The following SGSM1 variants were observed in gnomAD, a reference collection of about 807,000 sequenced individuals.
SGSM1 encodes small G protein signaling modulator 1, also known as RUN and TBC1 domain containing 2.
Under a neutral mutation model 133.8 loss-of-function variants are expected in SGSM1, and 73 were observed. The observed-to-expected ratio is 0.55, with a 90% CI of 0.45 to 0.66. The LOEUF is 0.66. Ranked by LOEUF, SGSM1 falls within the 30% of genes least tolerant of loss-of-function variation. The pLI is 0.00. For missense variants in SGSM1, 1,213 were observed against 1,448.1 expected, an observed-to-expected ratio of 0.84 and a Z score of 2.64; for synonymous variants, 563 against 573.0, an observed-to-expected ratio of 0.98 and a Z score of 0.25.
chr22:24,868,677 G>A, intron 11 of SGSM1, 46 bp from the exon 12 acceptor site: 3 of 1,611,202 alleles, frequency 1.9e-6, no homozygotes, highest in Non-Finnish European at 2.5e-6. Flanking sequence ...CAAGTTGTGG[G>A]GACAGATGTG....
chr22:24,822,441 C>G (rs1928540144), intron 2 of SGSM1, among the ~76,000 whole-genome samples: 1 of 152,188 alleles, frequency 6.6e-6, no homozygotes, highest in Non-Finnish European at 1.5e-5. Context: ...CTTTTCACAT[C>G]TCCATAGTTT....
rs1934228743 is a variant in SGSM1, at chr22:24,926,987, G to C, written c.*2713G>C. The C allele has an allele frequency of 6.6e-6, 1 of 152,024 alleles. No individual in the cohort carries two copies. Among genetic ancestry groups the C allele is most frequent in the Non-Finnish European group, 1.5e-5 (1 of 68,014 alleles). 9.4% of individuals were successfully genotyped at this position (152,024 alleles called of 1,614,324 possible). ...AGCTGCCTGGCCTTTTCCCAGAAAA[G>C]GTGAATCACTTCTGACTTCTTGTAT... On this transcript the variant is annotated 3_prime_UTR_variant, in exon 25 of 25. Transcript: ENST00000400358.
intron 2 of SGSM1, among the ~76,000 whole-genome samples, chr22:24,842,922 C>T (rs748250925): frequency 6.6e-6 from 1 of 152,018 alleles, no homozygotes; most frequent in Non-Finnish European, 1.5e-5. Flanking sequence ...TTTCTATAAA[C>T]TTTTTAGCCA....
rs749697584 is a variant in SGSM1 at position 24,886,618 on chromosome 22, C to T, written c.1660C>T (p.Leu554=). 3.2e-6 allele frequency: 5 copies of T among 1,552,984 alleles called. No homozygotes were observed. Among genetic ancestry groups the T allele is most frequent in the East Asian group, 2.4e-5 (1 of 40,966 alleles). ...HDSTSYEEQE[L]LRLIYYGGIQ... is the part of the protein sequence containing the mutation. ...ACCACAGAGTTACGAGGAGCAGGAG[C>T]TGCTGCGCCTCATCTACTACGGGGG... The change falls in exon 16 of 25, where the codon CTG becomes TTG. Residue 554 remains leucine, a synonymous_variant. Coordinates refer to ENST00000400358, the MANE Select transcript of SGSM1 (RefSeq NM_001098497.3).
chr22:24,886,747 G>A lies in SGSM1; in HGVS notation c.1770+19G>A. ...GAAAGAGGTCGGTTACCTGCCATGGGCACTGGGATCTTTGGCAACAAAAGG... is the reference window on the plus strand; with the variant it reads ...GAAAGAGGTCGGTTACCTGCCATGGACACTGGGATCTTTGGCAACAAAAGG... On this transcript the variant is annotated intron_variant, in intron 16 of 24. Transcript: ENST00000400358. The A allele has an allele frequency of 6.4e-7, 1 of 1,570,616 alleles. No individual in the cohort carries two copies. The highest frequency in any genetic ancestry group is 2.3e-5 in the East Asian group (1 of 42,702).
At chr22:24,921,676 G>A (rs540021516) in intron 24 of SGSM1, among the ~76,000 whole-genome samples, 16 of 151,134 alleles carry the variant, frequency 1.1e-4, no homozygotes, top group Middle Eastern at 3.4e-3. Context: ...CAATTTAGAA[G>A]CCATTGAAAA....
At chr22:24,912,804 A>G in intron 22 of SGSM1, 52 bp downstream of exon 22, 1 of 1,310,438 alleles carries the variant, frequency 7.6e-7, no homozygotes, top group Non-Finnish European at 1.1e-6. Flanking sequence ...AACAGTTAGT[A>G]AAGCTTAGTG....
intron 20 of SGSM1, among the ~76,000 whole-genome samples, chr22:24,902,683 T>C (rs1933209460): frequency 6.6e-6 from 1 of 151,874 alleles, no homozygotes; most frequent in Admixed American, 6.6e-5. Flanking sequence ...TAAGACCCCA[T>C]CTCTTAAAAA....
intron 21 of SGSM1, among the ~76,000 whole-genome samples, chr22:24,905,607 G>A (rs1933346670): frequency 6.6e-6 from 1 of 151,902 alleles, no homozygotes; most frequent in Non-Finnish European, 1.5e-5. Context: ...TGAACACGGT[G>A]AAACCCTGTC....
chr22:24,849,711 A>G (rs1930343772), intron 4 of SGSM1, among the ~76,000 whole-genome samples: 1 of 152,208 alleles, frequency 6.6e-6, no homozygotes, highest in South Asian at 2.1e-4. Flanking sequence ...GCAGGAGGCA[A>G]TGCCCTCGCT....
intron 22 of SGSM1, among the ~76,000 whole-genome samples, chr22:24,913,852 T>C (rs1469642705): frequency 6.6e-6 from 1 of 151,560 alleles, no homozygotes; most frequent in African/African-American, 2.4e-5. Flanking sequence ...AAACCCCATC[T>C]CTAACTAAAA....
At chr22:24,860,910 AAAAAAAAAAAAAAT>A (rs1485239921) in intron 9 of SGSM1, among the ~76,000 whole-genome samples, 11 of 97,216 alleles carry the variant, frequency 1.1e-4, no homozygotes, top group South Asian at 8.2e-4. Context: ...AAAAAAAAAA[AAAAAAAAAAAAAAT>A]ATATATATAT....
intron 21 of SGSM1, among the ~76,000 whole-genome samples, chr22:24,910,887 G>A (rs1270843032): frequency 1.3e-5 from 2 of 152,116 alleles, no homozygotes; most frequent in Middle Eastern, 3.2e-3. Flanking sequence ...AGAGGTTGCA[G>A]TGAGCCAAGA....
chr22:24,825,644 G>T (rs1928753355), intron 2 of SGSM1, among the ~76,000 whole-genome samples: 1 of 152,126 alleles, frequency 6.6e-6, no homozygotes, highest in Non-Finnish European at 1.5e-5. Context: ...TGGCCAGGCT[G>T]GTCTCGAACT....
intron 5 of SGSM1, 37 bp from the exon 6 acceptor site, chr22:24,854,958 GT>G (rs753035314): frequency 1.3e-6 from 2 of 1,561,444 alleles, no homozygotes; most frequent in Non-Finnish European, 1.8e-6. Context: ...TCCTCTGCTG[GT>G]CTCCATCCAA....
intron 9 of SGSM1, among the ~76,000 whole-genome samples, chr22:24,860,773 A>T (rs1931078514): frequency 6.7e-6 from 1 of 150,124 alleles, no homozygotes; most frequent in Non-Finnish European, 1.5e-5. Context: ...GGTGGCACAC[A>T]CCTGTAGTCC....
chr22:24,849,762 G>A (rs1307887513), intron 4 of SGSM1, among the ~76,000 whole-genome samples: 1 of 152,188 alleles, frequency 6.6e-6, no homozygotes, highest in Non-Finnish European at 1.5e-5. Flanking sequence ...GGAATGGGTG[G>A]GGAGGGAACC....
chr22:24,848,974 C>T (rs1349238202), intron 4 of SGSM1, among the ~76,000 whole-genome samples: 1 of 152,222 alleles, frequency 6.6e-6, no homozygotes, highest in Non-Finnish European at 1.5e-5. Flanking sequence ...CCTTCCAGTC[C>T]ATCTGCTAAG....
intron 8 of SGSM1, among the ~76,000 whole-genome samples, chr22:24,857,968 C>T (rs1049398332): frequency 2.0e-5 from 3 of 152,056 alleles, no homozygotes; most frequent in East Asian, 1.9e-4. Context: ...ACTCTCATCT[C>T]GGGGATGTTT....
Sources: allele counts gnomAD v4.1 joint callset (sites outside exome capture counted in the v4.1 genomes callset), GRCh38; gene constraint gnomAD v4.1.1; transcripts MANE v1.5; gene names NCBI Gene and HGNC (gene_info 2026-07-23, HGNC 2026-07-21).